Variants in SGK3 observed in about 807,000 individuals in gnomAD.
The protein encoded by SGK3 is serine/threonine-protein kinase Sgk3.
In SGK3, 47 loss-of-function variants were observed where a neutral mutation model predicts 68.5. That is an observed-to-expected ratio of 0.69 (90% CI 0.54 to 0.87). SGK3 has a LOEUF of 0.87. SGK3 is among the 40% of genes least tolerant of loss of function. The probability of loss-of-function intolerance (pLI) is 0.00; values close to 1 mark genes in which losing one functional copy is unlikely to be tolerated. For synonymous variants in SGK3, 181 were observed against 189.1 expected (o/e 0.96, Z 0.35); for missense variants, 479 against 575.5 (o/e 0.83, Z 1.72).
intron 1 of SGK3, among the ~76,000 whole-genome samples, chr8:66,740,966 C>G (rs1805462960): frequency 6.6e-6 from 1 of 151,668 alleles, no homozygotes; most frequent in Non-Finnish European, 1.5e-5. Flanking sequence ...AAAATTTCCC[C>G]CATTCCATCC....
intron 1 of SGK3, among the ~76,000 whole-genome samples, chr8:66,762,136 C>A (rs1806189301): frequency 6.6e-6 from 1 of 152,100 alleles, no homozygotes; most frequent in Non-Finnish European, 1.5e-5. Context: ...GCCCGGCTAA[C>A]TTTTGTATTT....
chr8:66,768,883 T>C (rs1585689260), intron 1 of SGK3, among the ~76,000 whole-genome samples: 1 of 152,304 alleles, frequency 6.6e-6, no homozygotes, highest in East Asian at 1.9e-4. Flanking sequence ...ACTTGTACTA[T>C]TTCTGATGAG....
chr8:66,762,744 G>A (rs986382842), intron 1 of SGK3, among the ~76,000 whole-genome samples: 10 of 152,080 alleles, frequency 6.6e-5, no homozygotes, highest in African/African-American at 2.4e-4. Context: ...TATATCTGCT[G>A]CCTTTCTTTT....
chr8:66,835,471 C>T (rs776272222), intron 8 of SGK3, among the ~76,000 whole-genome samples: 9 of 152,082 alleles, frequency 5.9e-5, no homozygotes, highest in Admixed American at 2.0e-4. Flanking sequence ...CCTGGAAGTA[C>T]AGGAGACTTC....
At chr8:66,723,129 ATATTTTTT>A (rs1398935103) in intron 1 of SGK3, among the ~76,000 whole-genome samples, 39 of 40,602 alleles carry the variant, frequency 9.6e-4, no homozygotes, top group African/African-American at 3.5e-3. Flanking sequence ...ATATATATAT[ATATTTTTT>A]TTTTTTTTTT....
At position 66,859,555 on chromosome 8, in the gene SGK3, C is replaced by T; in HGVS notation, c.1465C>T (p.Pro489Ser). 6.2e-7 allele frequency: 1 copy of T among 1,611,226 alleles called. No individual in the cohort carries two copies. Among genetic ancestry groups the T allele is most frequent in the African/African-American group, 1.3e-5 (1 of 74,974 alleles). ...TGCATTCGTTGGTTTCTCTTATGCA[C>T]CTCCTTCAGAAGACTTATTTTTGTG... ...DDAFVGFSYA[P>S]PSEDLFL is the part of the protein sequence containing the mutation. The change falls in exon 17 of 17, where the codon CCT (proline) becomes TCT (serine). Residue 489 changes from proline to serine, a missense_variant. Around this residue, in one of 3 missense-constraint regions of SGK3, gnomAD observed 173 missense variants for 214.3 expected, o/e 0.81. Transcript: ENST00000521198.
At chr8:66,841,669 T>C (rs1484154403) in intron 13 of SGK3, among the ~76,000 whole-genome samples, 1 of 152,248 alleles carries the variant, frequency 6.6e-6, no homozygotes, top group Non-Finnish European at 1.5e-5. Flanking sequence ...GTTTTTTATA[T>C]GCTTGAAATA....
At chr8:66,822,526 G>A (rs900613944) in intron 6 of SGK3, 67 bp downstream of exon 6, 1 of 1,468,032 alleles carries the variant, frequency 6.8e-7, no homozygotes, top group Admixed American at 2.0e-5. Context: ...AGTGGCTTTA[G>A]GACACTTACT....
At chr8:66,757,514 C>A (rs1806015436) in intron 1 of SGK3, among the ~76,000 whole-genome samples, 1 of 151,924 alleles carries the variant, frequency 6.6e-6, no homozygotes, top group South Asian at 2.1e-4. Flanking sequence ...TCTCACAGAA[C>A]TCCTTACACT....
chr8:66,830,231 G>T (rs181401688), intron 7 of SGK3, among the ~76,000 whole-genome samples: 2 of 152,128 alleles, frequency 1.3e-5, no homozygotes, highest in Non-Finnish European at 2.9e-5. Context: ...GCCTCAGCTC[G>T]CCTATTTACT....
chr8:66,759,836 C>T (rs865797259), intron 1 of SGK3, among the ~76,000 whole-genome samples: 2 of 152,030 alleles, frequency 1.3e-5, no homozygotes, highest in Non-Finnish European at 2.9e-5. Flanking sequence ...CCACCCGCCT[C>T]GGCCTCCCAA....
chr8:66,840,340 G>C, intron 12 of SGK3, 93 bp downstream of exon 12: 3 of 1,198,108 alleles, frequency 2.5e-6, no homozygotes, highest in Non-Finnish European at 3.5e-6. Context: ...TCTGTACTGC[G>C]TTATTTTATT....
chr8:66,767,526 C>G (rs1348233426), intron 1 of SGK3: 1 of 1,513,428 alleles, frequency 6.6e-7, no homozygotes, highest in South Asian at 1.1e-5. Flanking sequence ...GGGGGCCCAG[C>G]TGAAACAGCT....
chr8:66,728,897 C>T (rs1032044108), intron 1 of SGK3, among the ~76,000 whole-genome samples: 1 of 151,076 alleles, frequency 6.6e-6, no homozygotes, highest in African/African-American at 2.4e-5. Flanking sequence ...GCCTGGGCAA[C>T]AGAGCGAAAC....
At chr8:66,791,211 T>C (rs915982184) in intron 1 of SGK3, among the ~76,000 whole-genome samples, 1 of 152,146 alleles carries the variant, frequency 6.6e-6, no homozygotes, top group Non-Finnish European at 1.5e-5. Context: ...GGGGAACAAA[T>C]ACCTTAGCGC....
chr8:66,828,396 C>A (rs1309745189), intron 6 of SGK3, among the ~76,000 whole-genome samples: 1 of 152,132 alleles, frequency 6.6e-6, no homozygotes, highest in Admixed American at 6.6e-5. Context: ...ATTTATTTGC[C>A]AACTTAGAGC....
intron 3 of SGK3, among the ~76,000 whole-genome samples, chr8:66,801,224 G>A (rs945126170): frequency 3.3e-5 from 5 of 152,044 alleles, no homozygotes; most frequent in Non-Finnish European, 7.4e-5. Context: ...AATCTGAAAC[G>A]CCCCAGTGAG....
Position 66,793,606 on chromosome 8 carries a change from G to A in SGK3, c.-121-10G>A, listed in dbSNP as rs1212684897. On this transcript the variant is annotated splice_polypyrimidine_tract_variant and intron_variant, in intron 1 of 16. Transcript: ENST00000521198. ...TTGCTAATCACTTTTTTTTTTTTCT[G>A]TTGGTTAAGGTTGCATGATGGAATT... is the stretch of plus-strand genomic sequence containing the variant. 2.1e-5 allele frequency: 14 copies of A among 678,408 alleles called. No homozygotes were observed. The highest frequency in any genetic ancestry group is 3.1e-5 in the Non-Finnish European group (14 of 450,774). 42.0% of individuals were successfully genotyped at this position (678,408 alleles called of 1,614,324 possible).
chr8:66,855,502 C>T (rs1198174269), intron 16 of SGK3, among the ~76,000 whole-genome samples: 1 of 152,168 alleles, frequency 6.6e-6, no homozygotes, highest in Non-Finnish European at 1.5e-5. Flanking sequence ...CGCACCCAAC[C>T]GACTACATAA....
Sources: gnomAD v4.1 joint callset for allele counts (sites outside exome capture counted in the v4.1 genomes callset) on GRCh38, gnomAD v4.1.1 for gene constraint, gnomAD v4.1.1 regional missense constraint, MANE v1.5 for transcripts, NCBI Gene and HGNC (gene_info 2026-07-23, HGNC 2026-07-21) for gene names.